MAD2L1BP: variants seen among roughly 807,000 people sequenced by gnomAD.
The protein encoded by MAD2L1BP is MAD2L1-binding protein.
A neutral mutation model predicts 28.4 loss-of-function variants in MAD2L1BP; 22 were observed. That is an observed-to-expected ratio of 0.77 (90% CI 0.55 to 1.10). The LOEUF (loss-of-function observed/expected upper bound fraction) is 1.10. MAD2L1BP is among the 50% of genes least tolerant of loss of function. MAD2L1BP has a pLI of 0.00. For synonymous variants in MAD2L1BP, 146 were observed against 133.7 expected, an observed-to-expected ratio of 1.09 and a Z score of -0.63; for missense variants, 325 against 350.5, an observed-to-expected ratio of 0.93 and a Z score of 0.58.
chr6:43,638,598 C>T (rs1422466141), intron 2 of MAD2L1BP, among the ~76,000 whole-genome samples: 1 of 150,970 alleles, frequency 6.6e-6, no homozygotes, highest in African/African-American at 2.4e-5. Context: ...AGATTGAGAC[C>T]ATCCTGGCTA....
chr6:43,633,198 A>G (rs755911641), upstream of MAD2L1BP: 9 of 410,646 alleles, frequency 2.2e-5, no homozygotes, highest in East Asian at 4.0e-4. Flanking sequence ...TTCCAGGCGG[A>G]GTCTCACTCT....
chr6:43,633,051 A>C (rs1479480403), upstream of MAD2L1BP: 46 of 333,322 alleles, frequency 1.4e-4, no homozygotes, highest in Non-Finnish European at 1.2e-5. Context: ...ACAACAAAAA[A>C]CTTCTGGACT....
At chr6:43,630,611 C>T (rs1183777698) in intron 1 of MAD2L1BP, among the ~76,000 whole-genome samples, 2 of 152,042 alleles carry the variant, frequency 1.3e-5, no homozygotes. Flanking sequence ...GGCGTGGTGG[C>T]GCATGCCTGT....
chr6:43,636,309 A>G (rs1416572207), intron 1 of MAD2L1BP, 72 bp from the exon 2 acceptor site: 32 of 1,531,420 alleles, frequency 2.1e-5, no homozygotes, highest in Non-Finnish European at 1.4e-5. Flanking sequence ...TTTGTCGGCC[A>G]CAGGGAATGA....
intron 1 of MAD2L1BP, 99 bp downstream of exon 1, chr6:43,636,020 C>T (rs1391177879): frequency 8.1e-7 from 1 of 1,240,350 alleles, no homozygotes. Context: ...CTCCCTAGCC[C>T]GTCTTCCCTG....
At chr6:43,631,843 C>T (rs946932039), upstream of MAD2L1BP, among the ~76,000 whole-genome samples, 3 of 151,796 alleles carry the variant, frequency 2.0e-5, no homozygotes, top group South Asian at 2.1e-4. Flanking sequence ...TTTGGGAGGC[C>T]GAGATGGGAG....
At chr6:43,638,786 ACT>A (rs1261135318) in intron 2 of MAD2L1BP, among the ~76,000 whole-genome samples, 4 of 151,020 alleles carry the variant, frequency 2.6e-5, no homozygotes, top group African/African-American at 4.9e-5. Flanking sequence ...AAAGAGCGAA[ACT>A]CTGTCTCAAA....
rs2127861486 is a variant in MAD2L1BP, at chr6:43,636,463, C to T, written c.129C>T (p.Leu43=). Reference sequence around the variant, plus strand: ...AGACAAGCTCTACGCAGGAACCTCTCAACGCTTCGGAGGCCTTTTGCCCAA... The same window carrying T: ...AGACAAGCTCTACGCAGGAACCTCTTAACGCTTCGGAGGCCTTTTGCCCAA... ...LLETSSTQEP[L]NASEAFCPRD... Residue 43 remains leucine, a synonymous_variant, in exon 2 of 3, where the codon CTC becomes CTT. Transcript: ENST00000372171. 1 of 1,614,208 alleles carries T rather than the reference C, an allele frequency of 6.2e-7. No homozygotes were observed. Among genetic ancestry groups the T allele is most frequent in the Non-Finnish European group, 8.5e-7 (1 of 1,180,042 alleles).
chr6:43,636,625 T>C lies in MAD2L1BP; in HGVS notation c.291T>C (p.Phe97=). 1 of 1,613,108 alleles carries C rather than the reference T, an allele frequency of 6.2e-7. No homozygotes were observed. The highest frequency in any genetic ancestry group is 8.5e-7 in the Non-Finnish European group (1 of 1,179,058). Residue 97 remains phenylalanine (F), a synonymous_variant, in exon 2 of 3, where the codon TTT becomes TTC. Transcript: ENST00000372171. ...TGCCCTATGAACAGCTTAAGCACTT[T>C]TACCGAAAACCTTCTCCCCAGGTAG... is the stretch of plus-strand genomic sequence containing the variant. ...LPLPYEQLKH[F]YRKPSPQAEE...
Position 43,636,412 on chromosome 6 carries a change from T to C in MAD2L1BP, c.78T>C (p.Thr26=). The part of the protein sequence containing the change: ...DLEWYEKSEE[T]HASQIELLET... The stretch of plus-strand genomic sequence containing the variant: ...AGTGGTATGAGAAGTCCGAAGAAAC[T>C]CACGCCTCCCAGATAGAACTACTTG... The change falls in exon 2 of 3, where the codon ACT becomes ACC. Residue 26 remains threonine (T), a synonymous_variant. Transcript: ENST00000372171. The C allele has an allele frequency of 6.2e-7, 1 of 1,614,152 alleles. No individual in the cohort carries two copies. The highest frequency in any genetic ancestry group is 1.1e-5 in the South Asian group (1 of 91,086).
At chr6:43,635,398 C>T (rs1326314441), upstream of MAD2L1BP, among the ~76,000 whole-genome samples, 1 of 152,222 alleles carries the variant, frequency 6.6e-6, no homozygotes, top group African/African-American at 2.4e-5. Flanking sequence ...CCAGCCCCTA[C>T]CCTCTGTGGG....
chr6:43,635,053 T>C (rs573669525), upstream of MAD2L1BP, among the ~76,000 whole-genome samples: 6 of 152,268 alleles, frequency 3.9e-5, no homozygotes, highest in South Asian at 1.2e-3. Context: ...TCTCTTATCC[T>C]CTCTGTAATC....
upstream of MAD2L1BP, among the ~76,000 whole-genome samples, chr6:43,633,517 C>G (rs1247551782): frequency 6.6e-6 from 1 of 152,028 alleles, no homozygotes; most frequent in Non-Finnish European, 1.5e-5. Flanking sequence ...CTGGTCCCTA[C>G]TTCCTGAAAC....
chr6:43,638,944 T>C (rs1770415060), intron 2 of MAD2L1BP, among the ~76,000 whole-genome samples: 1 of 152,004 alleles, frequency 6.6e-6, no homozygotes, highest in South Asian at 2.1e-4. Flanking sequence ...GGGGGAGAAA[T>C]TTGGCAGATG....
chr6:43,640,333 A>T lies in MAD2L1BP; in HGVS notation c.625A>T (p.Met209Leu), dbSNP rs769323465. 6.2e-7 allele frequency: 1 copy of T among 1,613,752 alleles called. No individual in the cohort carries two copies. The highest frequency in any genetic ancestry group is 1.7e-5 in the Admixed American group (1 of 59,960). The change falls in exon 3 of 3, where the codon ATG becomes TTG. Residue 209 changes from methionine (M) to leucine (L), a missense_variant. Met to Leu is a conservative substitution (Grantham distance 15). Coordinates refer to ENST00000372171, the MANE Select transcript of MAD2L1BP (RefSeq NM_014628.3). ...AFSELQAPPL[M>L]GTVVMAQGHR... ...TAGCGAGCTTCAGGCTCCTCCACTCATGGGCACCGTCGTCATGGCACAGGG... is the reference window on the plus strand; with the variant it reads ...TAGCGAGCTTCAGGCTCCTCCACTCTTGGGCACCGTCGTCATGGCACAGGG...
chr6:43,640,021 G>GC lies in MAD2L1BP; in HGVS notation c.314dup (p.Glu106ArgfsTer13). Reference sequence around the variant, plus strand: ...CTCCCACCATTCTTTGTCCTCACAGGCAGAGGAGATGCTGAAGAAGAAACC... The same window carrying GC: ...CTCCCACCATTCTTTGTCCTCACAGGCCAGAGGAGATGCTGAAGAAGAAACC... On this transcript the variant is annotated frameshift_variant and splice_region_variant, in exon 3 of 3. Transcript: ENST00000372171. LOFTEE classifies it high-confidence loss of function. The GC allele has an allele frequency of 6.6e-7, 1 of 1,522,994 alleles. No homozygotes were observed. 94.3% of individuals were successfully genotyped at this position (1,522,994 alleles called of 1,614,324 possible). A position where few individuals can be genotyped will look rare whatever the true frequency, so the allele number is the denominator to read the frequency against.
chr6:43,636,231 CGGCCCATACTGTA>C (rs1770211216), intron 1 of MAD2L1BP, 137 bp from the exon 2 acceptor site: 6 of 722,474 alleles, frequency 8.3e-6, no homozygotes, highest in South Asian at 1.9e-5. Flanking sequence ...CTCCCTGCCA[CGGCCCATACTGTA>C]GGCTGCGGAG....
chr6:43,635,922 G>GT lies in MAD2L1BP; in HGVS notation c.46+2dup. On this transcript the variant is annotated splice_donor_variant, in intron 1 of 2. Coordinates refer to ENST00000372171, the MANE Select transcript of MAD2L1BP (RefSeq NM_014628.3). LOFTEE classifies it high-confidence loss of function. The stretch of plus-strand genomic sequence containing the variant: ...GTTCTGTCCTCAGCCGCAGTCCCTG[G>GT]TAAGGCGTGGGGCCAAGAGTTTGGG... 2 of 1,510,962 alleles carry GT rather than the reference G, an allele frequency of 1.3e-6. No homozygotes were observed. Among genetic ancestry groups the GT allele is most frequent in the Non-Finnish European group, 1.8e-6 (2 of 1,134,782 alleles). The allele number at this position is 1,510,962 out of a possible 1,614,324, so 93.6% of individuals were successfully genotyped here.
intron 2 of MAD2L1BP, among the ~76,000 whole-genome samples, chr6:43,639,390 C>T (rs1770443200): frequency 1.3e-5 from 2 of 152,190 alleles, no homozygotes; most frequent in Non-Finnish European, 2.9e-5. Context: ...CCGCCCGCCT[C>T]GGCCTCTCAA....
Sources: allele counts gnomAD v4.1 joint callset (sites outside exome capture counted in the v4.1 genomes callset), GRCh38; gene constraint gnomAD v4.1.1; transcripts MANE v1.5; gene names NCBI Gene and HGNC (gene_info 2026-07-23, HGNC 2026-07-21).